The following LIPA variants were observed in gnomAD, a reference collection of about 807,000 sequenced individuals.
The protein encoded by LIPA is lysosomal acid lipase/cholesteryl ester hydrolase.
In LIPA, 26 loss-of-function variants were observed where a neutral mutation model predicts 40.6. That is an observed-to-expected ratio of 0.64 (90% CI 0.47 to 0.89). LIPA has a LOEUF of 0.89. Ranked by LOEUF, LIPA falls within the 40% of genes least tolerant of loss-of-function variation. LIPA has a pLI of 0.00. For missense variants in LIPA, 455 were observed against 479.6 expected, an observed-to-expected ratio of 0.95 and a Z score of 0.48; for synonymous variants, 188 against 168.4, an observed-to-expected ratio of 1.12 and a Z score of -0.90.
At chr10:89,261,701 A>G (rs2133486746) in intron 1 of LIPA, among the ~76,000 whole-genome samples, 1 of 152,318 alleles carries the variant, frequency 6.6e-6, no homozygotes, top group East Asian at 1.9e-4. Flanking sequence ...AGAGGAGAAT[A>G]GAACTCTAGT....
chr10:89,259,915 A>C (rs1199260252), intron 1 of LIPA, among the ~76,000 whole-genome samples: 2 of 152,172 alleles, frequency 1.3e-5, no homozygotes, highest in Non-Finnish European at 2.9e-5. Flanking sequence ...TGGATGACAG[A>C]GAGGCATGGG....
chr10:89,362,597 C>A, intron 2 of LIPA: 1 of 333,690 alleles, frequency 3.0e-6, no homozygotes, highest in Non-Finnish European at 5.8e-6. Flanking sequence ...TTTGCCTGGG[C>A]TGGGGCAAAT....
chr10:89,227,233 C>G (rs571984022), intron 4 of LIPA, among the ~76,000 whole-genome samples: 2 of 152,188 alleles, frequency 1.3e-5, no homozygotes, highest in African/African-American at 4.8e-5. Flanking sequence ...AAATTAGTTT[C>G]GCCTGTTTTT....
intron 1 of LIPA, among the ~76,000 whole-genome samples, chr10:89,318,525 T>A (rs7070705): frequency 0.02 from 3,032 of 152,278 alleles, 109 homozygotes; most frequent in African/African-American, 0.068. Flanking sequence ...ATCCTAAATA[T>A]ATATGCACCC....
chr10:89,377,755 A>C (rs1442543828), intron 2 of LIPA, among the ~76,000 whole-genome samples: 2 of 152,222 alleles, frequency 1.3e-5, no homozygotes, highest in Non-Finnish European at 2.9e-5. Context: ...CATGATTCAC[A>C]AAAATATACG....
intron 1 of LIPA, among the ~76,000 whole-genome samples, chr10:89,258,518 G>A (rs902986923): frequency 6.6e-6 from 1 of 152,098 alleles, no homozygotes; most frequent in Non-Finnish European, 1.5e-5. Flanking sequence ...TACCCACTAG[G>A]ATAGCTATAA....
chr10:89,302,169 A>G, intron 1 of LIPA: 1 of 1,608,574 alleles, frequency 6.2e-7, no homozygotes, highest in Non-Finnish European at 8.5e-7. Context: ...CTGTTGAGTC[A>G]TCTTGTCCAA....
chr10:89,341,447 C>T (rs971827384), intron 1 of LIPA, among the ~76,000 whole-genome samples: 1 of 152,206 alleles, frequency 6.6e-6, no homozygotes, highest in African/African-American at 2.4e-5. Context: ...CCTCCATGGA[C>T]TCTTGAGATT....
chr10:89,252,159 C>CAT (rs1187111315), upstream of LIPA: 3 of 152,190 alleles, frequency 2.0e-5, no homozygotes, highest in Non-Finnish European at 4.4e-5. Context: ...CATGTGGGCT[C>CAT]TATAAATGAA....
chr10:89,294,559 TA>T (rs1430244060), intron 1 of LIPA, among the ~76,000 whole-genome samples: 1 of 152,210 alleles, frequency 6.6e-6, no homozygotes, highest in African/African-American at 2.4e-5. Flanking sequence ...TACCTCCCAT[TA>T]GGTCCCACCT....
At chr10:89,271,580 C>T (rs1206249614) in intron 1 of LIPA, among the ~76,000 whole-genome samples, 2 of 152,200 alleles carry the variant, frequency 1.3e-5, no homozygotes, top group African/African-American at 4.8e-5. Flanking sequence ...AGGAGGTCTT[C>T]TGGGGTGCCT....
chr10:89,377,027 G>A (rs1330261585), intron 2 of LIPA, among the ~76,000 whole-genome samples: 2 of 152,132 alleles, frequency 1.3e-5, no homozygotes, highest in Non-Finnish European at 2.9e-5. Context: ...TGCTTATCTT[G>A]GTGCACTACC....
intron 1 of LIPA, among the ~76,000 whole-genome samples, chr10:89,276,157 C>T (rs2133495529): frequency 6.6e-6 from 1 of 152,318 alleles, no homozygotes; most frequent in Middle Eastern, 3.4e-3. Context: ...ACTCTCACGT[C>T]TTGCAAATGT....
chr10:89,214,970 ACGT>A lies in LIPA; in HGVS notation c.1055_1057del (p.Asp352del), dbSNP rs767207643. 6.8e-6 allele frequency: 11 copies of A among 1,614,038 alleles called. No homozygotes were observed. Among genetic ancestry groups the A allele is most frequent in the Non-Finnish European group, 9.3e-6 (11 of 1,179,996 alleles). Reference sequence around the variant, plus strand: ...GGTGATCTGAGTCAGTAAGATATTGACGTCGTAGACATCTGCAAGCCAGTCGTG... The same window carrying A: ...GGTGATCTGAGTCAGTAAGATATTGACGTAGACATCTGCAAGCCAGTCGTG... On this transcript the variant is annotated inframe_deletion, in exon 10 of 10. Transcript: ENST00000336233.
chr10:89,321,403 G>T (rs147233448), intron 1 of LIPA, among the ~76,000 whole-genome samples: 6,350 of 152,148 alleles, frequency 0.042, 445 homozygotes, highest in African/African-American at 0.15. Flanking sequence ...TCAAAAAGTG[G>T]GCAAAGGCTA....
chr10:89,408,334 A>C (rs1444349330), intron 2 of LIPA, among the ~76,000 whole-genome samples: 1 of 152,210 alleles, frequency 6.6e-6, no homozygotes, highest in African/African-American at 2.4e-5. Flanking sequence ...AATGGAGTGA[A>C]ATACCTTATG....
intron 2 of LIPA, among the ~76,000 whole-genome samples, chr10:89,351,730 G>A (rs1270575887): frequency 1.3e-5 from 2 of 152,214 alleles, no homozygotes; most frequent in Non-Finnish European, 2.9e-5. Context: ...CAAGGGACAA[G>A]AAATGCTTTC....
At chr10:89,306,492 C>T (rs1338918025) in intron 1 of LIPA, 3 of 1,614,080 alleles carry the variant, frequency 1.9e-6, no homozygotes. Context: ...TCTGGACTGG[C>T]AATAGCAAGC....
intron 4 of LIPA, among the ~76,000 whole-genome samples, chr10:89,227,749 G>A (rs561522005): frequency 7.9e-5 from 12 of 152,230 alleles, no homozygotes; most frequent in South Asian, 4.1e-4. Context: ...TGTTTATTAC[G>A]CTCCATTTTA....
Sources: gnomAD v4.1 joint callset for allele counts (sites outside exome capture counted in the v4.1 genomes callset) on GRCh38, gnomAD v4.1.1 for gene constraint, MANE v1.5 for transcripts, NCBI Gene and HGNC (gene_info 2026-07-23, HGNC 2026-07-21) for gene names.